Variants in ZFHX3 observed in about 807,000 individuals in gnomAD.
The protein encoded by ZFHX3 is zinc finger homeobox 3, also known as zinc finger homeobox protein 3.
A neutral mutation model predicts 279.1 loss-of-function variants in ZFHX3; 42 were observed. The observed-to-expected ratio is 0.15, with a 90% CI of 0.12 to 0.19. The LOEUF (loss-of-function observed/expected upper bound fraction) is 0.19. Ranked by LOEUF, ZFHX3 falls within the 10% of genes least tolerant of loss-of-function variation. The pLI is 1.00. For missense variants in ZFHX3, 4,981 were observed against 4,754.0 expected (o/e 1.05, Z -1.40); for synonymous variants, 2,293 against 1,957.8 (o/e 1.17, Z -4.52).
chr16:73,411,108 C>T (rs1567475699), intron 3 of ZFHX3, among the ~76,000 whole-genome samples: 1 of 152,280 alleles, frequency 6.6e-6, no homozygotes, highest in Admixed American at 6.5e-5. Context: ...TTTCATGCTG[C>T]TGGAATTTTA....
chr16:73,575,781 G>T (rs867434410), intron 2 of ZFHX3, among the ~76,000 whole-genome samples: 3 of 152,234 alleles, frequency 2.0e-5, no homozygotes, highest in African/African-American at 7.2e-5. Context: ...GGGCTGTTAG[G>T]TTCAGCAGGC....
chr16:73,497,422 AC>A (rs2019160436), intron 2 of ZFHX3, among the ~76,000 whole-genome samples: 1 of 152,230 alleles, frequency 6.6e-6, no homozygotes, highest in African/African-American at 2.4e-5. Flanking sequence ...TAATCCCAGC[AC>A]TTTGGGAGGA....
chr16:73,611,161 T>A (rs751282602), intron 2 of ZFHX3, among the ~76,000 whole-genome samples: 1 of 152,168 alleles, frequency 6.6e-6, no homozygotes, highest in Non-Finnish European at 1.5e-5. Flanking sequence ...TTGGTTTTTT[T>A]TGAGTTTTTG....
chr16:73,521,695 T>C (rs566441624), intron 2 of ZFHX3, among the ~76,000 whole-genome samples: 36 of 151,920 alleles, frequency 2.4e-4, no homozygotes, highest in Admixed American at 4.6e-4. Context: ...TAATTTAAAA[T>C]AAAAAAATTT....
At chr16:73,595,406 C>T (rs1033690819) in intron 2 of ZFHX3, among the ~76,000 whole-genome samples, 1 of 152,198 alleles carries the variant, frequency 6.6e-6, no homozygotes, top group African/African-American at 2.4e-5. Flanking sequence ...GCATCAAAAG[C>T]ATCGACAATT....
At chr16:73,545,852 T>C (rs1044137628) in intron 2 of ZFHX3, among the ~76,000 whole-genome samples, 1 of 151,278 alleles carries the variant, frequency 6.6e-6, no homozygotes, top group African/African-American at 2.4e-5. Context: ...CAGCAGATCC[T>C]ATCTGCATTA....
chr16:73,115,464 T>G (rs1272252740), intron 7 of ZFHX3, among the ~76,000 whole-genome samples: 1 of 151,408 alleles, frequency 6.6e-6, no homozygotes, highest in African/African-American at 2.4e-5. Flanking sequence ...TGGGGAGGAT[T>G]GCTTGAACCT....
chr16:73,777,147 A>C (rs1319997333), intron 1 of ZFHX3, among the ~76,000 whole-genome samples: 1 of 152,030 alleles, frequency 6.6e-6, no homozygotes, highest in Non-Finnish European at 1.5e-5. Context: ...TCCCTTTCTC[A>C]TATGTGCAGG....
At chr16:72,873,283 T>C (rs2038212409) in intron 4 of ZFHX3, among the ~76,000 whole-genome samples, 1 of 152,230 alleles carries the variant, frequency 6.6e-6, no homozygotes, top group African/African-American at 2.4e-5. Context: ...CATGCCCTAA[T>C]GTTTTCAATG....
At chr16:73,122,613 G>T (rs2144809892) in intron 7 of ZFHX3, among the ~76,000 whole-genome samples, 1 of 152,272 alleles carries the variant, frequency 6.6e-6, no homozygotes, top group East Asian at 1.9e-4. Context: ...CAACTTGGGG[G>T]GCCATCAGGG....
chr16:73,222,994 G>A (rs967956279), intron 5 of ZFHX3, among the ~76,000 whole-genome samples: 1 of 152,110 alleles, frequency 6.6e-6, no homozygotes, highest in Non-Finnish European at 1.5e-5. Flanking sequence ...ACAAATGTTG[G>A]TGGAACAACT....
chr16:73,831,357 G>C (rs1960992297), intron 1 of ZFHX3, among the ~76,000 whole-genome samples: 1 of 152,216 alleles, frequency 6.6e-6, no homozygotes. Flanking sequence ...AATCCCTGCA[G>C]GGTCAGAGCA....
chr16:72,960,435 GA>G (rs1316811836), intron 1 of ZFHX3, among the ~76,000 whole-genome samples: 2 of 152,182 alleles, frequency 1.3e-5, no homozygotes, highest in African/African-American at 2.4e-5. Context: ...AGAAGGCCAG[GA>G]ACAGCCCTCT....
intron 3 of ZFHX3, among the ~76,000 whole-genome samples, chr16:72,911,720 T>A (rs1478298446): frequency 6.6e-6 from 1 of 152,256 alleles, no homozygotes; most frequent in Non-Finnish European, 1.5e-5. Context: ...ACATTTCAAG[T>A]GCTCGATGGC....
intron 1 of ZFHX3, among the ~76,000 whole-genome samples, chr16:73,753,674 G>A (rs561426855): frequency 1.1e-3 from 162 of 152,276 alleles, no homozygotes; most frequent in African/African-American, 3.7e-3. Flanking sequence ...CAAATGCTTT[G>A]CTGGGCAAAG....
intron 5 of ZFHX3, among the ~76,000 whole-genome samples, chr16:73,240,021 TTG>T (rs113010649): frequency 0.02 from 2,997 of 146,572 alleles, 98 homozygotes; most frequent in African/African-American, 0.061. Context: ...GAACCTTATT[TTG>T]TGTGTGTGTG....
Position 73,436,117 on chromosome 16 carries a change from G to T in ZFHX3, c.-1291+19886C>A, listed in dbSNP as rs1301362180. 2.0e-5 allele frequency among the ~76,000 whole-genome samples: 3 copies of T among 152,210 alleles called. No homozygotes were observed. The East Asian group carries it at 5.8e-4, about 29-fold the overall frequency. Reference sequence around the variant, plus strand: ...GGCCGAGGTGGGCAAATCACCTGAGGTTGGGAGTTTGAGGCCAGCCTGACC... The same window carrying T: ...GGCCGAGGTGGGCAAATCACCTGAGTTTGGGAGTTTGAGGCCAGCCTGACC... On this transcript the variant is annotated intron_variant, in intron 3 of 17. Coordinates refer to the ZFHX3 transcript ENST00000641206.
In ZFHX3 at chr16:72,797,601, C is replaced by T. The variant is rs1174151260; in HGVS notation, c.5081G>A (p.Gly1694Glu). Residue 1694 changes from glycine (G) to glutamate (E), a missense_variant, in exon 9 of 10, where the codon GGG becomes GAG. Coordinates refer to ENST00000268489, the MANE Select transcript of ZFHX3 (RefSeq NM_006885.4). The stretch of plus-strand genomic sequence containing the variant: ...AGCAATGTTGGCACCAATAGGATTC[C>T]CCAGGGGTGGCATCCCTACACTCTC... ...PTESVGMPPL[G>E]NPIGANIASP... is the part of the protein sequence containing the mutation. 6.2e-7 allele frequency: 1 copy of T among 1,613,880 alleles called. No homozygotes were observed. Among genetic ancestry groups the T allele is most frequent in the African/African-American group, 1.3e-5 (1 of 74,848 alleles).
At chr16:73,092,597 C>G in intron 8 of ZFHX3, 1 of 238,318 alleles carries the variant, frequency 4.2e-6, no homozygotes, top group Non-Finnish European at 8.3e-6. Context: ...TGTTCCAGTA[C>G]GTTCCATCAA....
Sources: gnomAD v4.1 joint callset for allele counts (sites outside exome capture counted in the v4.1 genomes callset) on GRCh38, gnomAD v4.1.1 for gene constraint, MANE v1.5 for transcripts, NCBI Gene and HGNC (gene_info 2026-07-23, HGNC 2026-07-21) for gene names.